HIBCH: variants seen among roughly 807,000 people sequenced by gnomAD.
HIBCH encodes 3-hydroxyisobutyryl-CoA hydrolase, mitochondrial.
In HIBCH, 50 loss-of-function variants were observed where a neutral mutation model predicts 58.2. That is an observed-to-expected ratio of 0.86 (90% confidence interval 0.68 to 1.09). HIBCH has a LOEUF of 1.09. Among genes scored for constraint, HIBCH ranks in the 50% least tolerant of loss-of-function variants. The pLI, the probability that HIBCH is intolerant of heterozygous loss-of-function variation, is 0.00. For synonymous variants in HIBCH, 151 were observed against 146.9 expected (o/e 1.03, Z -0.20); for missense variants, 450 against 449.7 (o/e 1.00, Z -0.01).
At chr2:190,307,985 C>T (rs927583030) in intron 2 of HIBCH, among the ~76,000 whole-genome samples, 19 of 152,230 alleles carry the variant, frequency 1.2e-4, no homozygotes, top group African/African-American at 4.3e-4. Flanking sequence ...GGCATACTTC[C>T]ATCACTCCAC....
At chr2:190,250,184 G>A in intron 8 of HIBCH, 2 of 345,178 alleles carry the variant, frequency 5.8e-6, no homozygotes, top group Non-Finnish European at 1.1e-5. Flanking sequence ...CCAGAGCATA[G>A]CTAATGCTTT....
chr2:190,267,762 G>A (rs1052101484), intron 6 of HIBCH, among the ~76,000 whole-genome samples: 8 of 152,218 alleles, frequency 5.3e-5, no homozygotes, highest in Admixed American at 4.6e-4. Flanking sequence ...AACAGATTGA[G>A]CTAAGCCATA....
chr2:190,316,171 G>T (rs916591974), intron 1 of HIBCH, among the ~76,000 whole-genome samples: 2 of 152,080 alleles, frequency 1.3e-5, no homozygotes, highest in African/African-American at 2.4e-5. Context: ...TAGAGACAGG[G>T]TCTCACTCTG....
rs1423396599 is a variant in HIBCH, at chr2:190,204,316, T to C, written c.*801A>G. 6.6e-6 allele frequency: 1 copy of C among 152,072 alleles called. No homozygotes were observed. Among genetic ancestry groups the C allele is most frequent in the African/African-American group, 2.4e-5 (1 of 41,450 alleles). 9.4% of individuals were successfully genotyped at this position (152,072 alleles called of 1,614,324 possible). On this transcript the variant is annotated 3_prime_UTR_variant, in exon 14 of 14. Coordinates refer to ENST00000359678, the MANE Select transcript of HIBCH (RefSeq NM_014362.4). ...GTAAATTATAAAAAAACAGAGTGTCTCTATCTAAGAGATTGGAGTTTCCTA... is the reference window on the plus strand; with the variant it reads ...GTAAATTATAAAAAAACAGAGTGTCCCTATCTAAGAGATTGGAGTTTCCTA...
At chr2:190,195,209 A>G (rs987838715) in intron 1 of HIBCH, among the ~76,000 whole-genome samples, 4 of 152,206 alleles carry the variant, frequency 2.6e-5, no homozygotes, top group Admixed American at 6.5e-5. Flanking sequence ...GATGTGCCAC[A>G]GTTTACCCAT....
In HIBCH at chr2:190,204,756, T is replaced by G. The variant is rs556373861; in HGVS notation, c.*361A>C. The G allele has an allele frequency of 5.6e-5, 14 of 251,644 alleles. No individual in the cohort carries two copies. The highest frequency in any genetic ancestry group is 1.0e-4 in the Non-Finnish European group (13 of 128,848). The allele number at this position is 251,644 out of a possible 1,614,324, so 15.6% of individuals were successfully genotyped here. Reference sequence around the variant, plus strand: ...TACCACTCAAGAGAATCTCCAAAGATCTTCACATTTTTCCATCTTCTAAAA... The same window carrying G: ...TACCACTCAAGAGAATCTCCAAAGAGCTTCACATTTTTCCATCTTCTAAAA... On this transcript the variant is annotated 3_prime_UTR_variant, in exon 14 of 14. Transcript: ENST00000359678.
At chr2:190,213,485 T>C (rs895377138) in intron 11 of HIBCH, 1 of 204,524 alleles carries the variant, frequency 4.9e-6, no homozygotes, top group South Asian at 7.9e-5. Flanking sequence ...GTCAGCAAAC[T>C]ACAGAAGAAA....
rs532788902 is a variant in HIBCH at position 190,266,486 on chromosome 2, T to C, written c.439-5252A>G. 3.9e-5 allele frequency among the ~76,000 whole-genome samples: 6 copies of C among 152,318 alleles called. No homozygotes were observed. The East Asian group carries it at 9.6e-4, about 24-fold the overall frequency. On this transcript the variant is annotated intron_variant, in intron 6 of 13. Coordinates refer to ENST00000359678, the MANE Select transcript of HIBCH (RefSeq NM_014362.4). ...TCTCACCCTGTCACCCAGGCTGAAG[T>C]GCAGTGGCGTGACCTTTACTCACTG...
Position 190,308,586 on chromosome 2 carries a change from C to T in HIBCH, c.78+2168G>A, listed in dbSNP as rs535560826. On this transcript the variant is annotated intron_variant, in intron 2 of 13. Coordinates refer to ENST00000359678, the MANE Select transcript of HIBCH (RefSeq NM_014362.4). ...GAGCTAGCACACTTAGCCCCCTTGCCACATGATGTCCTATACCGCCTTAGG... is the reference window on the plus strand; with the variant it reads ...GAGCTAGCACACTTAGCCCCCTTGCTACATGATGTCCTATACCGCCTTAGG... Among the ~76,000 whole-genome samples, 6 of 152,278 alleles carry T rather than the reference C, an allele frequency of 3.9e-5. No individual in the cohort carries two copies. The South Asian group carries it at 1.2e-3, about 32-fold the overall frequency.
chr2:190,307,395 A>G (rs1688440861), intron 2 of HIBCH, among the ~76,000 whole-genome samples: 2 of 152,378 alleles, frequency 1.3e-5, no homozygotes, highest in South Asian at 4.1e-4. Flanking sequence ...AAAATAGACC[A>G]GCATGGTGGC....
chr2:190,286,873 A>AC (rs1206723230), intron 6 of HIBCH, among the ~76,000 whole-genome samples: 4 of 151,880 alleles, frequency 2.6e-5, no homozygotes, highest in African/African-American at 7.3e-5. Context: ...AAAAAAAAAA[A>AC]AACTCAACAT....
rs1687648474 is a variant in HIBCH, at chr2:190,279,512, A to G, written c.438+8074T>C. 6.6e-6 allele frequency among the ~76,000 whole-genome samples: 1 copy of G among 152,236 alleles called. No homozygotes were observed. Among genetic ancestry groups the G allele is most frequent in the Non-Finnish European group, 1.5e-5 (1 of 68,042 alleles). ...TCTACTTCCAAGATACAGTGGTAGG[A>G]CAGGTATAGGGTATACATTCCTGTA... On this transcript the variant is annotated intron_variant, in intron 6 of 13. Transcript: ENST00000359678. This position sits in a 1 kb window ranked among gnomAD's most constrained non-coding sequence, Gnocchi z 4.2.
intron 2 of HIBCH, among the ~76,000 whole-genome samples, chr2:190,305,116 G>T (rs1313546674): frequency 6.6e-6 from 1 of 152,144 alleles, no homozygotes; most frequent in African/African-American, 2.4e-5. Flanking sequence ...GGTTGAGGTT[G>T]TAGAGGAACC....
intron 13 of HIBCH, 146 bp downstream of exon 13, chr2:190,208,734 T>G (rs1690452250): frequency 4.2e-6 from 3 of 708,800 alleles, no homozygotes; most frequent in Non-Finnish European, 7.7e-6. Context: ...AACATTTGAG[T>G]GTCATGTTGG....
intron 1 of HIBCH, among the ~76,000 whole-genome samples, chr2:190,316,577 A>G (rs1575770602): frequency 6.6e-6 from 1 of 152,140 alleles, no homozygotes; most frequent in Non-Finnish European, 1.5e-5. Flanking sequence ...AATAATGGAA[A>G]CCCTGGGTCT....
At chr2:190,266,467 CCT>C (rs1180872095) in intron 6 of HIBCH, among the ~76,000 whole-genome samples, 1 of 152,028 alleles carries the variant, frequency 6.6e-6, no homozygotes, top group African/African-American at 2.4e-5. Flanking sequence ...AGAGTCTCAC[CCT>C]GTCACCCAGG....
chr2:190,196,830 T>C (rs1690001271), intron 1 of HIBCH, among the ~76,000 whole-genome samples: 1 of 152,154 alleles, frequency 6.6e-6, no homozygotes, highest in Admixed American at 6.5e-5. Context: ...AGCTGAGTAG[T>C]TGTAACATAG....
chr2:190,253,998 C>T (rs150391403), intron 7 of HIBCH, among the ~76,000 whole-genome samples: 1 of 152,200 alleles, frequency 6.6e-6, no homozygotes, highest in East Asian at 1.9e-4. Context: ...ACAGACACCA[C>T]CTCCTCTGCT....
intron 11 of HIBCH, among the ~76,000 whole-genome samples, chr2:190,235,315 A>G (rs1037119058): frequency 1.3e-5 from 2 of 152,232 alleles, no homozygotes; most frequent in Non-Finnish European, 1.5e-5. Flanking sequence ...GACTGCCCTC[A>G]GCATTCCTTA....
Sources: allele counts gnomAD v4.1 joint callset (sites outside exome capture counted in the v4.1 genomes callset), GRCh38; gene constraint gnomAD v4.1.1; non-coding constraint Gnocchi (gnomAD v3.1); transcripts MANE v1.5; gene names NCBI Gene and HGNC (gene_info 2026-07-23, HGNC 2026-07-21).